GSTCD: variants seen among roughly 807,000 people sequenced by gnomAD.
GSTCD encodes glutathione S-transferase C-terminal domain-containing protein.
In GSTCD, 44 loss-of-function variants were observed where a neutral mutation model predicts 68.3. That is an observed-to-expected ratio of 0.64 (90% CI 0.51 to 0.83). The LOEUF (loss-of-function observed/expected upper bound fraction) is 0.83. GSTCD is among the 40% of genes least tolerant of loss of function. The probability of loss-of-function intolerance (pLI) is 0.00; values close to 1 mark genes in which losing one functional copy is unlikely to be tolerated. For missense variants in GSTCD, 739 were observed against 735.9 expected (o/e 1.00, Z -0.05); for synonymous variants, 273 against 255.2 (o/e 1.07, Z -0.67).
chr4:105,806,019 C>T (rs535145741), intron 5 of GSTCD, among the ~76,000 whole-genome samples: 2 of 152,132 alleles, frequency 1.3e-5, no homozygotes, highest in East Asian at 3.9e-4. Flanking sequence ...CAGTTTCTGC[C>T]TGTGTCCCTT....
intron 2 of GSTCD, among the ~76,000 whole-genome samples, 165 bp downstream of exon 2, chr4:105,718,204 A>G (rs756460693): frequency 1.3e-5 from 2 of 152,244 alleles, no homozygotes; most frequent in Non-Finnish European, 2.9e-5. Flanking sequence ...TTGAATATTT[A>G]TCCCCTCCAA....
chr4:105,727,181 A>G (rs1733069411), intron 4 of GSTCD, among the ~76,000 whole-genome samples: 1 of 147,404 alleles, frequency 6.8e-6, no homozygotes, highest in Non-Finnish European at 1.5e-5. Flanking sequence ...TTTCTGTTGT[A>G]AAGTTTTGGT....
intron 5 of GSTCD, among the ~76,000 whole-genome samples, chr4:105,807,552 T>G (rs1353058174): frequency 6.6e-6 from 1 of 152,092 alleles, no homozygotes; most frequent in Non-Finnish European, 1.5e-5. Context: ...TGAAAAAGAA[T>G]CTATTCTAGG....
chr4:105,827,971 T>C (rs1012099234), intron 8 of GSTCD, among the ~76,000 whole-genome samples: 5 of 152,066 alleles, frequency 3.3e-5, no homozygotes, highest in Admixed American at 2.0e-4. Context: ...GCAAATAGTA[T>C]TACATAAAGG....
At chr4:105,821,349 A>C (rs548349932) in intron 5 of GSTCD, among the ~76,000 whole-genome samples, 1 of 151,914 alleles carries the variant, frequency 6.6e-6, no homozygotes, top group Non-Finnish European at 1.5e-5. Context: ...TAGATGCTTG[A>C]AAGTTGTCAT....
Position 105,756,234 on chromosome 4 carries a change from G to A in GSTCD, c.1240+26735G>A, listed in dbSNP as rs141300978. The stretch of plus-strand genomic sequence containing the variant: ...AAGTTCTCAGAACCCCCTGCTTCAG[G>A]GATTTTTATGGAGGGTTTAACCACA... On this transcript the variant is annotated intron_variant, in intron 5 of 11. Transcript: ENST00000515279. 3.0e-4 allele frequency among the ~76,000 whole-genome samples: 45 copies of A among 152,000 alleles called. No individual in the cohort carries two copies. In the East Asian group the frequency reaches 4.5e-3, roughly 15 times the overall value.
intron 3 of GSTCD, among the ~76,000 whole-genome samples, chr4:105,720,945 C>T (rs1005947502): frequency 2.6e-5 from 4 of 151,568 alleles, no homozygotes; most frequent in African/African-American, 9.7e-5. Flanking sequence ...AAATATTTTC[C>T]TTCGTTCCTT....
At chr4:105,793,805 C>T (rs1735769022) in intron 5 of GSTCD, among the ~76,000 whole-genome samples, 1 of 151,924 alleles carries the variant, frequency 6.6e-6, no homozygotes, top group Non-Finnish European at 1.5e-5. Flanking sequence ...TGAAGCCCAC[C>T]CTGACAGAGC....
At chr4:105,744,498 TTCTTC>T (rs1733737561) in intron 5 of GSTCD, among the ~76,000 whole-genome samples, 1 of 152,216 alleles carries the variant, frequency 6.6e-6, no homozygotes, top group Non-Finnish European at 1.5e-5. Context: ...AGAAAGTTTT[TTCTTC>T]TCTTTTTATT....
chr4:105,784,765 T>C (rs1330435972), intron 5 of GSTCD, among the ~76,000 whole-genome samples: 1 of 152,218 alleles, frequency 6.6e-6, no homozygotes, highest in Non-Finnish European at 1.5e-5. Flanking sequence ...TTTCAATGGA[T>C]TACATTCTAT....
intron 3 of GSTCD, among the ~76,000 whole-genome samples, chr4:105,724,291 A>C (rs775447451): frequency 1.3e-5 from 2 of 151,860 alleles, no homozygotes; most frequent in Non-Finnish European, 3.0e-5. Flanking sequence ...TGGTAGTGCT[A>C]GGGAGAAAGC....
At chr4:105,724,074 T>C (rs1054386894) in intron 3 of GSTCD, among the ~76,000 whole-genome samples, 1 of 151,896 alleles carries the variant, frequency 6.6e-6, no homozygotes, top group African/African-American at 2.4e-5. Context: ...CTGTCCTTTC[T>C]GTCTCATGCT....
intron 2 of GSTCD, 34 bp from the exon 3 acceptor site, chr4:105,719,026 T>A: frequency 6.8e-7 from 1 of 1,476,494 alleles, no homozygotes; most frequent in Non-Finnish European, 9.2e-7. Flanking sequence ...AATTAAAAAA[T>A]CTTTTCATTT....
At chr4:105,724,104 T>G (rs971018264) in intron 3 of GSTCD, among the ~76,000 whole-genome samples, 1 of 151,882 alleles carries the variant, frequency 6.6e-6, no homozygotes, top group African/African-American at 2.4e-5. Context: ...TTGTGAAATA[T>G]ATCTGTAGAG....
rs533804741 is a variant in GSTCD at position 105,714,984 on chromosome 4, GT to G, written c.-21-2603del. ...ATTAAATAGCATGGCTTTGTTTCCA[GT>G]TTTTTAAAAAGTGTTAGGATGAGCC... On this transcript the variant is annotated intron_variant, in intron 1 of 11. Coordinates refer to ENST00000515279, the MANE Select transcript of GSTCD (RefSeq NM_001370181.1). Among the ~76,000 whole-genome samples, 40 of 152,244 alleles carry G rather than the reference GT, an allele frequency of 2.6e-4. 2 individuals are homozygous for G. In the South Asian group the frequency reaches 8.3e-3, roughly 32 times the overall value.
chr4:105,762,717 T>A (rs1015977000), intron 5 of GSTCD, among the ~76,000 whole-genome samples: 7 of 152,230 alleles, frequency 4.6e-5, no homozygotes, highest in Non-Finnish European at 1.0e-4. Context: ...GATTCTCAGT[T>A]TTAAATTGAT....
At chr4:105,837,234 CTTATCCCACA>C (rs556618310) in intron 9 of GSTCD, among the ~76,000 whole-genome samples, 1 of 152,312 alleles carries the variant, frequency 6.6e-6, no homozygotes, top group Non-Finnish European at 1.5e-5. Flanking sequence ...ACCCAGAGCC[CTTATCCCACA>C]ACTACCTCCT....
chr4:105,752,339 G>A (rs1005846677), intron 5 of GSTCD, among the ~76,000 whole-genome samples: 49 of 152,052 alleles, frequency 3.2e-4, no homozygotes, highest in African/African-American at 1.1e-3. Context: ...TGTAGGGTTA[G>A]ACTTCAAGAA....
chr4:105,712,208 G>A (rs1188869807), intron 1 of GSTCD, among the ~76,000 whole-genome samples: 1 of 152,228 alleles, frequency 6.6e-6, no homozygotes, highest in Non-Finnish European at 1.5e-5. Flanking sequence ...AAAAAGGGAA[G>A]CTAGGTAAGA....
Sources: gnomAD v4.1 joint callset for allele counts (sites outside exome capture counted in the v4.1 genomes callset) on GRCh38, gnomAD v4.1.1 for gene constraint, MANE v1.5 for transcripts, NCBI Gene and HGNC (gene_info 2026-07-23, HGNC 2026-07-21) for gene names.